Variants in SDK1 observed in about 807,000 individuals in gnomAD.
SDK1 encodes the protein protein sidekick-1.
SDK1 carries 157 observed loss-of-function variants against 245.5 expected under a neutral mutation model. The ratio of observed to expected loss-of-function variants is 0.64; its 90% confidence interval spans 0.56 to 0.73. The LOEUF (loss-of-function observed/expected upper bound fraction) is 0.73. Among genes scored for constraint, SDK1 ranks in the 30% least tolerant of loss-of-function variants. The pLI is 0.00. For synonymous variants in SDK1, 1,647 were observed against 1,278.5 expected, an observed-to-expected ratio of 1.29 and a Z score of -6.15; for missense variants, 3,583 against 3,002.3, an observed-to-expected ratio of 1.19 and a Z score of -4.52.
chr7:3,311,190 G>A (rs1242540352), intron 1 of SDK1, among the ~76,000 whole-genome samples: 1 of 152,156 alleles, frequency 6.6e-6, no homozygotes, highest in Non-Finnish European at 1.5e-5. Flanking sequence ...ATGGGCCTGG[G>A]GGGAGAGTAG....
chr7:3,405,806 C>CTTTTTTTTTT (rs1481542659), intron 1 of SDK1, among the ~76,000 whole-genome samples: 1 of 140,200 alleles, frequency 7.1e-6, no homozygotes. Flanking sequence ...CTTTTCTTTT[C>CTTTTTTTTTT]TTTCTTTCTT....
At chr7:4,045,938 A>G (rs1263168631) in intron 17 of SDK1, among the ~76,000 whole-genome samples, 2 of 151,920 alleles carry the variant, frequency 1.3e-5, no homozygotes, top group African/African-American at 2.4e-5. Context: ...TTTTCTGCAT[A>G]GTAGGTTTTT....
intron 17 of SDK1, among the ~76,000 whole-genome samples, chr7:4,028,224 C>T (rs1027755066): frequency 6.6e-6 from 1 of 152,162 alleles, no homozygotes; most frequent in Non-Finnish European, 1.5e-5. Context: ...CCAGGTGACT[C>T]TAACACCCAC....
rs370193747 is a variant in SDK1, at chr7:3,689,962, C to T, written c.713+47857C>T. On this transcript the variant is annotated intron_variant, in intron 4 of 44. Transcript: ENST00000404826. Reference sequence around the variant, plus strand: ...TTTAGAAATACTTGTTTTGATCATCCGTGTGGAAATGAATGTTTTGTATTT... The same window carrying T: ...TTTAGAAATACTTGTTTTGATCATCTGTGTGGAAATGAATGTTTTGTATTT... 2.6e-4 allele frequency among the ~76,000 whole-genome samples: 39 copies of T among 152,258 alleles called. No homozygotes were observed. The South Asian group carries it at 7.9e-3, about 31-fold the overall frequency.
intron 4 of SDK1, among the ~76,000 whole-genome samples, chr7:3,705,273 T>G (rs1398878679): frequency 6.6e-6 from 1 of 152,012 alleles, no homozygotes; most frequent in African/African-American, 2.4e-5. Flanking sequence ...GTAGATTGTT[T>G]TGGATAGTAT....
chr7:4,076,106 C>T (rs562876073), intron 20 of SDK1, among the ~76,000 whole-genome samples: 2 of 152,282 alleles, frequency 1.3e-5, no homozygotes, highest in African/African-American at 4.8e-5. Flanking sequence ...AGAAGCAAAA[C>T]TCACACACTC....
At chr7:3,725,163 ATTGCTAGGGACTTTC>A (rs1390484998) in intron 4 of SDK1, among the ~76,000 whole-genome samples, 3 of 152,212 alleles carry the variant, frequency 2.0e-5, no homozygotes, top group African/African-American at 7.2e-5. Flanking sequence ...TTAAGAAGGA[ATTGCTAGGGACTTTC>A]TTGCTAGAAG....
At chr7:3,635,912 C>T (rs1046224192) in intron 2 of SDK1, among the ~76,000 whole-genome samples, 2 of 152,092 alleles carry the variant, frequency 1.3e-5, no homozygotes, top group South Asian at 2.1e-4. Context: ...TGCCATATTG[C>T]CCAGGCTGGT....
At chr7:3,855,213 A>G (rs1236797470) in intron 5 of SDK1, among the ~76,000 whole-genome samples, 1 of 152,128 alleles carries the variant, frequency 6.6e-6, no homozygotes, top group Non-Finnish European at 1.5e-5. Flanking sequence ...GACACAGCAG[A>G]TATTCTTACC....
At chr7:3,450,521 T>C (rs549816599) in intron 1 of SDK1, among the ~76,000 whole-genome samples, 2 of 152,306 alleles carry the variant, frequency 1.3e-5, no homozygotes, top group South Asian at 4.1e-4. Flanking sequence ...TCTAGGATGA[T>C]ACGTAGATTT....
At chr7:3,888,261 A>G (rs1278938438) in intron 5 of SDK1, among the ~76,000 whole-genome samples, 1 of 152,232 alleles carries the variant, frequency 6.6e-6, no homozygotes, top group Non-Finnish European at 1.5e-5. Flanking sequence ...TCCTTGTTCC[A>G]TGTGAGAACG....
intron 1 of SDK1, among the ~76,000 whole-genome samples, chr7:3,409,095 G>T (rs1779128803): frequency 6.6e-6 from 1 of 152,088 alleles, no homozygotes; most frequent in Non-Finnish European, 1.5e-5. Context: ...CTTGAGATAT[G>T]AGTTGGCTTT....
At chr7:3,458,858 T>C (rs765520428) in intron 1 of SDK1, among the ~76,000 whole-genome samples, 3 of 152,204 alleles carry the variant, frequency 2.0e-5, no homozygotes, top group African/African-American at 7.2e-5. Flanking sequence ...TATCACCGTA[T>C]CTTAATTACC....
chr7:3,705,598 G>T (rs1202057184), intron 4 of SDK1, among the ~76,000 whole-genome samples: 3 of 151,896 alleles, frequency 2.0e-5, no homozygotes, highest in African/African-American at 2.4e-5. Flanking sequence ...GGTATACATT[G>T]ATTTTTGTGA....
At chr7:3,797,548 CTA>C (rs371199931) in intron 4 of SDK1, among the ~76,000 whole-genome samples, 3 of 151,772 alleles carry the variant, frequency 2.0e-5, no homozygotes, top group African/African-American at 4.8e-5. Flanking sequence ...ATGCTTTACT[CTA>C]TGTTTTCATA....
chr7:3,731,145 C>T (rs1305679638), intron 4 of SDK1, among the ~76,000 whole-genome samples: 1 of 152,176 alleles, frequency 6.6e-6, no homozygotes. Flanking sequence ...ATGCATCCAT[C>T]ACCGCAGTGG....
At chr7:3,824,978 C>T (rs890594563) in intron 5 of SDK1, among the ~76,000 whole-genome samples, 4 of 152,130 alleles carry the variant, frequency 2.6e-5, no homozygotes, top group African/African-American at 7.2e-5. Flanking sequence ...GAACTCTCCA[C>T]CCCGCTGCCC....
chr7:3,979,608 C>G (rs535755626), intron 13 of SDK1, among the ~76,000 whole-genome samples: 2 of 152,146 alleles, frequency 1.3e-5, no homozygotes, highest in Admixed American at 6.5e-5. Flanking sequence ...CTTCATCCCC[C>G]CACTGAGAGA....
intron 28 of SDK1, among the ~76,000 whole-genome samples, chr7:4,139,733 G>T (rs539006858): frequency 7.0e-6 from 1 of 142,048 alleles, no homozygotes; most frequent in African/African-American, 2.9e-5. Flanking sequence ...GTGTGTGTGT[G>T]TGTATGTGTG....
Sources: allele counts gnomAD v4.1 joint callset (sites outside exome capture counted in the v4.1 genomes callset), GRCh38; gene constraint gnomAD v4.1.1; transcripts MANE v1.5; gene names NCBI Gene and HGNC (gene_info 2026-07-23, HGNC 2026-07-21).